Variants in PHF3 observed in about 807,000 individuals in gnomAD.
PHF3 encodes PHD finger protein 3.
In PHF3, 41 loss-of-function variants were observed where a neutral mutation model predicts 178.4. The ratio of observed to expected loss-of-function variants is 0.23; its 90% CI spans 0.18 to 0.30. The LOEUF (loss-of-function observed/expected upper bound fraction) is 0.30. Among genes scored for constraint, PHF3 ranks in the 10% least tolerant of loss-of-function variants. The pLI is 1.00. For synonymous variants in PHF3, 842 were observed against 800.5 expected (o/e 1.05, Z -0.88); for missense variants, 2,346 against 2,398.1 (o/e 0.98, Z 0.45).
Position 63,703,620 on chromosome 6 carries a change from A to G in PHF3, c.3316A>G (p.Thr1106Ala). ...GGTTGACTCTATGTCTAAAGATACC[A>G]CTAGTCAACACAGACAGCATCTTTT... is the stretch of plus-strand genomic sequence containing the variant. ...EEVDSMSKDT[T>A]SQHRQHLFDL... Residue 1106 changes from threonine (T) to alanine (A), a missense_variant, in exon 11 of 16, where the codon ACT becomes GCT. Thr to Ala is a moderately conservative substitution (Grantham distance 58, BLOSUM62 0). Coordinates refer to ENST00000262043, the MANE Select transcript of PHF3 (RefSeq NM_001370348.2). 6.2e-7 allele frequency: 1 copy of G among 1,612,230 alleles called. No individual in the cohort carries two copies. Among genetic ancestry groups the G allele is most frequent in the Non-Finnish European group, 8.5e-7 (1 of 1,179,328 alleles).
chr6:63,701,889 A>G (rs1289615468), intron 9 of PHF3, among the ~76,000 whole-genome samples: 1 of 152,176 alleles, frequency 6.6e-6, no homozygotes, highest in Admixed American at 6.5e-5. Context: ...TTTTCTTTAA[A>G]GGATGATTTG....
At chr6:63,643,925 C>T (rs1318837883) in intron 1 of PHF3, among the ~76,000 whole-genome samples, 3 of 152,108 alleles carry the variant, frequency 2.0e-5, no homozygotes, top group African/African-American at 4.8e-5. Flanking sequence ...AAAAATTGCT[C>T]CTTTAGATGA....
Position 63,650,308 on chromosome 6 carries a change from A to T in PHF3, c.244+3513A>T, listed in dbSNP as rs544205540. Reference sequence around the variant, plus strand: ...GGCTAGCAAAATCATCATTCACTTAATTAAAAAAAAATTCTCTAGTATGGT... The same window carrying T: ...GGCTAGCAAAATCATCATTCACTTATTTAAAAAAAAATTCTCTAGTATGGT... On this transcript the variant is annotated intron_variant, in intron 2 of 15. Coordinates refer to ENST00000262043, the MANE Select transcript of PHF3 (RefSeq NM_001370348.2). 2.6e-5 allele frequency among the ~76,000 whole-genome samples: 4 copies of T among 152,342 alleles called. No individual in the cohort carries two copies. In the East Asian group the frequency reaches 7.7e-4, roughly 29 times the overall value.
chr6:63,682,845 G>T (rs1454295399), intron 3 of PHF3, among the ~76,000 whole-genome samples: 1 of 151,954 alleles, frequency 6.6e-6, no homozygotes, highest in East Asian at 1.9e-4. Flanking sequence ...AACCGCTTGG[G>T]TGTTAAAAGA....
At chr6:63,690,124 G>C (rs1056352598) in intron 4 of PHF3, among the ~76,000 whole-genome samples, 1 of 152,082 alleles carries the variant, frequency 6.6e-6, no homozygotes, top group Non-Finnish European at 1.5e-5. Flanking sequence ...TAGAATATCT[G>C]TATCATTATG....
intron 9 of PHF3, 66 bp from the exon 10 acceptor site, chr6:63,702,438 ATTAT>A: frequency 9.5e-7 from 1 of 1,047,222 alleles, no homozygotes; most frequent in Non-Finnish European, 1.3e-6. Flanking sequence ...GTAAGCTCTT[ATTAT>A]TTAAGGTGTA....
intron 3 of PHF3, among the ~76,000 whole-genome samples, chr6:63,683,397 A>C (rs1266454605): frequency 6.6e-6 from 1 of 152,070 alleles, no homozygotes; most frequent in Non-Finnish European, 1.5e-5. Context: ...GTATCAGAAT[A>C]GGGAAATGAA....
chr6:63,651,256 G>A (rs1765008345), intron 2 of PHF3, among the ~76,000 whole-genome samples: 1 of 152,096 alleles, frequency 6.6e-6, no homozygotes, highest in Non-Finnish European at 1.5e-5. Flanking sequence ...TTCAAAAGTT[G>A]CCCTTCTAGC....
At chr6:63,655,394 G>T (rs1357074956) in intron 2 of PHF3, among the ~76,000 whole-genome samples, 1 of 151,778 alleles carries the variant, frequency 6.6e-6, no homozygotes, top group Admixed American at 6.6e-5. Context: ...GTGTTTTTTT[G>T]TAGAGACAGG....
chr6:63,666,220 T>C (rs1765676086), intron 2 of PHF3, among the ~76,000 whole-genome samples: 1 of 152,188 alleles, frequency 6.6e-6, no homozygotes, highest in Non-Finnish European at 1.5e-5. Flanking sequence ...TGTTTTTTCA[T>C]GTGTTTCTCC....
Position 63,667,522 on chromosome 6 carries a change from A to G in PHF3, c.245-12478A>G, listed in dbSNP as rs549669378. Among the ~76,000 whole-genome samples, 4 of 152,300 alleles carry G rather than the reference A, an allele frequency of 2.6e-5. No individual in the cohort carries two copies. In the East Asian group the frequency reaches 7.7e-4, roughly 29 times the overall value. ...TTGAACTTTATCATGTATCTTCCCA[A>G]AAAGGACTTATATATAACAATACCA... is the stretch of plus-strand genomic sequence containing the variant. On this transcript the variant is annotated intron_variant, in intron 2 of 15. Transcript: ENST00000262043.
At chr6:63,660,052 G>GT (rs773323111) in intron 2 of PHF3, among the ~76,000 whole-genome samples, 41 of 152,088 alleles carry the variant, frequency 2.7e-4, no homozygotes, top group Non-Finnish European at 4.6e-4. Flanking sequence ...GTGTGTGTGT[G>GT]TTTCTTTTTA....
intron 2 of PHF3, among the ~76,000 whole-genome samples, chr6:63,654,797 A>G (rs1765162107): frequency 6.6e-6 from 1 of 151,966 alleles, no homozygotes; most frequent in African/African-American, 2.4e-5. Flanking sequence ...CTGGCTGGGC[A>G]TATAGGATTT....
intron 2 of PHF3, among the ~76,000 whole-genome samples, chr6:63,675,781 G>T (rs1292460799): frequency 6.6e-6 from 1 of 152,106 alleles, no homozygotes; most frequent in Non-Finnish European, 1.5e-5. Context: ...TATAAACATG[G>T]TCAGATCTCT....
At chr6:63,665,003 A>AG (rs1765621621) in intron 2 of PHF3, among the ~76,000 whole-genome samples, 1 of 152,172 alleles carries the variant, frequency 6.6e-6, no homozygotes, top group Non-Finnish European at 1.5e-5. Flanking sequence ...AAGTGGTTAC[A>AG]TTAAATAATT....
intron 1 of PHF3, among the ~76,000 whole-genome samples, chr6:63,645,169 G>C (rs1222471669): frequency 6.6e-6 from 1 of 151,992 alleles, no homozygotes; most frequent in African/African-American, 2.4e-5. Flanking sequence ...TGAGCCACTG[G>C]GCCTGGCAGG....
Position 63,713,530 on chromosome 6 carries a change from C to T in PHF3, c.5942C>T (p.Thr1981Ile). 2 of 1,613,384 alleles carry T rather than the reference C, an allele frequency of 1.2e-6. No individual in the cohort carries two copies. The highest frequency in any genetic ancestry group is 1.7e-6 in the Non-Finnish European group (2 of 1,179,824). The change falls in exon 16 of 16, where the codon ACA becomes ATA. Residue 1981 changes from threonine (T) to isoleucine (I), a missense_variant. Thr to Ile is a moderately conservative substitution (Grantham distance 89). This residue lies in a region of PHF3 where 839 missense variants were observed against 806.9 expected (regional missense o/e 1.04). Transcript: ENST00000262043. ...CGGTTATCACATGGTGATCGAGGAA[C>T]AGATGGAAAAGCAAGCAGAGATAGT... ...RARLSHGDRG[T>I]DGKASRDSRN...
At chr6:63,703,436 C>G in intron 10 of PHF3, 100 bp from the exon 11 acceptor site, 1 of 1,247,390 alleles carries the variant, frequency 8.0e-7, no homozygotes, top group Non-Finnish European at 1.1e-6. Flanking sequence ...TATGGAACAA[C>G]TGCATTTTAG....
chr6:63,713,953 A>G lies in PHF3; in HGVS notation c.*245A>G, dbSNP rs752328144. On this transcript the variant is annotated 3_prime_UTR_variant, in exon 16 of 16. Transcript: ENST00000262043. Reference sequence around the variant, plus strand: ...TTTTAAAAGTTTTACATTGCTGTATATTCAAAGATTTGTTTTATTAATATG... The same window carrying G: ...TTTTAAAAGTTTTACATTGCTGTATGTTCAAAGATTTGTTTTATTAATATG... The G allele has an allele frequency of 2.9e-6, 1 of 346,820 alleles. No homozygotes were observed. Among genetic ancestry groups the G allele is most frequent in the Non-Finnish European group, 5.1e-6 (1 of 194,536 alleles). 21.5% of individuals were successfully genotyped at this position (346,820 alleles called of 1,614,324 possible).
Sources: allele counts gnomAD v4.1 joint callset (sites outside exome capture counted in the v4.1 genomes callset), GRCh38; gene constraint gnomAD v4.1.1; regional missense constraint gnomAD v4.1.1; transcripts MANE v1.5; gene names NCBI Gene and HGNC (gene_info 2026-07-23, HGNC 2026-07-21).